PCGF5: variants seen among roughly 807,000 people sequenced by gnomAD.
PCGF5 encodes the protein polycomb group ring finger 5.
In PCGF5, 9 loss-of-function variants were observed where a neutral mutation model predicts 44.3. That is an observed-to-expected ratio of 0.20 (90% CI 0.12 to 0.35). PCGF5 has a LOEUF of 0.35. PCGF5 is among the 10% of genes least tolerant of loss of function. PCGF5 has a pLI of 1.00. For missense variants in PCGF5, 146 were observed against 305.3 expected, an observed-to-expected ratio of 0.48 and a Z score of 3.89; for synonymous variants, 95 against 102.5, an observed-to-expected ratio of 0.93 and a Z score of 0.44.
At chr10:91,161,757 T>C (rs912980913), upstream of PCGF5, among the ~76,000 whole-genome samples, 3 of 152,206 alleles carry the variant, frequency 2.0e-5, no homozygotes, top group South Asian at 4.1e-4. Flanking sequence ...TTTGCGGACC[T>C]ATCAGGAGAG....
Position 91,261,322 on chromosome 10 carries a change from T to C in PCGF5, c.475-4T>C, listed in dbSNP as rs773351103. ...TTTTAACTGGTAATCTTTATTTCCT[T>C]TAGGGTTTAATGAAGAAATTCATTC... is the stretch of plus-strand genomic sequence containing the variant. On this transcript the variant is annotated splice_polypyrimidine_tract_variant and splice_region_variant and intron_variant, in intron 6 of 9. Coordinates refer to ENST00000336126, the MANE Select transcript of PCGF5 (RefSeq NM_032373.5). The C allele has an allele frequency of 2.7e-6, 4 of 1,497,248 alleles. No individual in the cohort carries two copies. Among genetic ancestry groups the C allele is most frequent in the Non-Finnish European group, 3.6e-6 (4 of 1,112,214 alleles). The allele number at this position is 1,497,248 out of a possible 1,614,324, so 92.7% of individuals were successfully genotyped here. A position where few individuals can be genotyped will look rare whatever the true frequency, so the allele number is the denominator to read the frequency against.
intron 1 of PCGF5, among the ~76,000 whole-genome samples, chr10:91,167,186 A>C (rs915076625): frequency 6.6e-6 from 1 of 152,204 alleles, no homozygotes; most frequent in African/African-American, 2.4e-5. Flanking sequence ...CATTTTCATT[A>C]TTTTATATGC....
chr10:91,281,932 T>C lies in PCGF5; in HGVS notation c.*3616T>C, dbSNP rs1244254766. On this transcript the variant is annotated 3_prime_UTR_variant, in exon 10 of 10. Coordinates refer to ENST00000336126, the MANE Select transcript of PCGF5 (RefSeq NM_032373.5). ...TCCTCTGCATGAAAAGTGAGAGAAA[T>C]ACATACTTTGAAAAGAAAGTTCAGA... The C allele has an allele frequency of 6.6e-6, 1 of 152,136 alleles. No homozygotes were observed. The highest frequency in any genetic ancestry group is 2.4e-5 in the African/African-American group (1 of 41,422). 9.4% of individuals were successfully genotyped at this position (152,136 alleles called of 1,614,324 possible).
chr10:91,193,117 CG>C (rs1183151826), intron 1 of PCGF5, among the ~76,000 whole-genome samples: 3 of 152,108 alleles, frequency 2.0e-5, no homozygotes, highest in East Asian at 3.9e-4. Context: ...GCATGGCAAA[CG>C]CAAGAAGGAA....
chr10:91,246,718 A>G (rs1237222939), intron 3 of PCGF5, among the ~76,000 whole-genome samples: 1 of 151,944 alleles, frequency 6.6e-6, no homozygotes, highest in Non-Finnish European at 1.5e-5. Flanking sequence ...GGAAAGAGAG[A>G]AGTTAAGATC....
intron 1 of PCGF5, among the ~76,000 whole-genome samples, chr10:91,221,725 A>T (rs1589376377): frequency 1.7e-5 from 1 of 57,686 alleles, no homozygotes; most frequent in African/African-American, 1.5e-4. Flanking sequence ...TTTACAGTTA[A>T]AAAAAAAAAA....
At chr10:91,200,913 G>A (rs1022806672) in intron 1 of PCGF5, among the ~76,000 whole-genome samples, 4 of 152,180 alleles carry the variant, frequency 2.6e-5, no homozygotes, top group East Asian at 1.9e-4. Flanking sequence ...AGCTGTGTTC[G>A]TGATTACTGT....
At chr10:91,184,230 C>T (rs1012538122) in intron 1 of PCGF5, among the ~76,000 whole-genome samples, 6 of 152,082 alleles carry the variant, frequency 3.9e-5, no homozygotes, top group Admixed American at 6.6e-5. Flanking sequence ...TACATAATCC[C>T]ATATTTCTTG....
intron 8 of PCGF5, among the ~76,000 whole-genome samples, chr10:91,270,971 A>G (rs1197782973): frequency 1.3e-5 from 2 of 152,044 alleles, no homozygotes; most frequent in Non-Finnish European, 2.9e-5. Context: ...AGGTTTACAA[A>G]TGAATCTACT....
intron 1 of PCGF5, among the ~76,000 whole-genome samples, chr10:91,180,936 T>C (rs1843806469): frequency 6.6e-6 from 1 of 152,260 alleles, no homozygotes; most frequent in Non-Finnish European, 1.5e-5. Context: ...TAAATTGCTT[T>C]GGGCAGTATG....
At chr10:91,238,601 CTTTTTTTTT>C (rs71487496) in intron 2 of PCGF5, among the ~76,000 whole-genome samples, 43 of 58,488 alleles carry the variant, frequency 7.4e-4, no homozygotes, top group African/African-American at 1.3e-3. Flanking sequence ...TTCTTTCTTT[CTTTTTTTTT>C]TTTTTTTTTT....
At chr10:91,180,338 T>A (rs984342597) in intron 1 of PCGF5, among the ~76,000 whole-genome samples, 3 of 152,216 alleles carry the variant, frequency 2.0e-5, no homozygotes, top group Admixed American at 1.3e-4. Context: ...GTACAGAAGC[T>A]CTTTAGTTTA....
intron 3 of PCGF5, among the ~76,000 whole-genome samples, chr10:91,244,850 T>C (rs1418781137): frequency 6.6e-6 from 1 of 152,154 alleles, no homozygotes; most frequent in Non-Finnish European, 1.5e-5. Context: ...TTGGGAAGAT[T>C]AATAATAGAG....
chr10:91,180,228 A>G (rs1317405084), intron 1 of PCGF5, among the ~76,000 whole-genome samples: 1 of 152,014 alleles, frequency 6.6e-6, no homozygotes. Flanking sequence ...TAAGTTCCTT[A>G]TAGATGCTGG....
chr10:91,243,630 G>C (rs1845384683), intron 3 of PCGF5, among the ~76,000 whole-genome samples: 1 of 152,068 alleles, frequency 6.6e-6, no homozygotes, highest in Non-Finnish European at 1.5e-5. Context: ...AGCCACATGT[G>C]GCTCTTAAGC....
At chr10:91,174,914 G>C (rs906705647) in intron 1 of PCGF5, among the ~76,000 whole-genome samples, 9 of 152,188 alleles carry the variant, frequency 5.9e-5, no homozygotes, top group Admixed American at 4.6e-4. Flanking sequence ...GTAGAGAAGA[G>C]GCATCAGCAA....
At chr10:91,178,917 A>G (rs1331163665) in intron 1 of PCGF5, among the ~76,000 whole-genome samples, 1 of 152,354 alleles carries the variant, frequency 6.6e-6, no homozygotes, top group South Asian at 2.1e-4. Flanking sequence ...ATCCTCTACA[A>G]CTGATTTCAG....
In PCGF5 at chr10:91,235,181, C is replaced by T. The variant is rs116973187; in HGVS notation, c.113-5303C>T. Among the ~76,000 whole-genome samples the T allele has an allele frequency of 8.3e-4, 127 of 152,142 alleles. 3 individuals carry two copies. The East Asian group carries it at 0.022, about 27-fold the overall frequency. ...GTTTTGTAGAGTTATAGTCCTGGTG[C>T]GAATCTCCTAGATATTCTGAATTAA... is the stretch of plus-strand genomic sequence containing the variant. On this transcript the variant is annotated intron_variant, in intron 2 of 9. Transcript: ENST00000336126.
intron 2 of PCGF5, among the ~76,000 whole-genome samples, chr10:91,225,106 T>C (rs953989969): frequency 1.3e-5 from 2 of 151,634 alleles, no homozygotes; most frequent in East Asian, 3.9e-4. Context: ...TGGGTCATAG[T>C]GAAATCCCAA....
Sources: allele counts gnomAD v4.1 joint callset (sites outside exome capture counted in the v4.1 genomes callset), GRCh38; gene constraint gnomAD v4.1.1; transcripts MANE v1.5; gene names NCBI Gene and HGNC (gene_info 2026-07-23, HGNC 2026-07-21).